Variants in ERBB4 observed in about 807,000 individuals in gnomAD.
ERBB4 encodes the protein erb-b2 receptor tyrosine kinase 4.
Under a neutral mutation model 158.0 loss-of-function variants are expected in ERBB4, and 42 were observed. The observed-to-expected ratio is 0.27, with a 90% confidence interval of 0.21 to 0.34. The LOEUF is 0.34. ERBB4 is among the 10% of genes least tolerant of loss of function. The pLI is 1.00. For synonymous variants in ERBB4, 583 were observed against 558.7 expected (o/e 1.04, Z -0.61); for missense variants, 1,333 against 1,624.1 (o/e 0.82, Z 3.08).
chr2:211,595,050 G>C (rs1049310077), intron 19 of ERBB4, among the ~76,000 whole-genome samples: 8 of 152,078 alleles, frequency 5.3e-5, no homozygotes, highest in Non-Finnish European at 1.0e-4. Context: ...CCTAGGAAGT[G>C]GTTTAAGTTA....
At chr2:212,065,525 T>C (rs1330032721) in intron 2 of ERBB4, among the ~76,000 whole-genome samples, 2 of 152,112 alleles carry the variant, frequency 1.3e-5, no homozygotes, top group African/African-American at 2.4e-5. Context: ...TCTAAGTTAA[T>C]ATCCAGATTA....
chr2:211,602,219 G>A (rs2068823177), intron 19 of ERBB4, among the ~76,000 whole-genome samples: 1 of 152,048 alleles, frequency 6.6e-6, no homozygotes, highest in South Asian at 2.1e-4. Flanking sequence ...TTAAAGTCTT[G>A]GCCTGATGAT....
chr2:211,960,417 G>T (rs2081150484), intron 2 of ERBB4, among the ~76,000 whole-genome samples: 1 of 152,002 alleles, frequency 6.6e-6, no homozygotes, highest in African/African-American at 2.4e-5. Context: ...TCTCATCTTT[G>T]GACAATAATA....
chr2:211,621,901 C>T (rs1574871632), intron 18 of ERBB4, among the ~76,000 whole-genome samples: 2 of 152,056 alleles, frequency 1.3e-5, no homozygotes, highest in Middle Eastern at 3.4e-3. Context: ...CTGACTTGTC[C>T]TATGGTTCAG....
intron 3 of ERBB4, among the ~76,000 whole-genome samples, chr2:211,839,558 A>C (rs997159854): frequency 1.7e-4 from 26 of 152,134 alleles, no homozygotes; most frequent in Non-Finnish European, 1.8e-4. Flanking sequence ...ATACCACAAG[A>C]AGATAGTCAT....
chr2:211,750,853 T>C (rs2075111293), intron 4 of ERBB4, 149 bp from the exon 5 acceptor site: 2 of 728,818 alleles, frequency 2.7e-6, no homozygotes, highest in East Asian at 2.7e-5. Flanking sequence ...AAATGCCCAC[T>C]TAAGTAGGAA....
In ERBB4 at chr2:211,376,467, A is replaced by C. The variant is rs2062475201; in HGVS notation, c.*7148T>G. On this transcript the variant is annotated 3_prime_UTR_variant, in exon 28 of 28. Transcript: ENST00000342788. ...TTTGTTTATTTCAAAAAGGCAGCTAACTTTGAATGCAGGGATTTAAATAAA... is the reference window on the plus strand; with the variant it reads ...TTTGTTTATTTCAAAAAGGCAGCTACCTTTGAATGCAGGGATTTAAATAAA... The C allele has an allele frequency of 1.3e-5, 3 of 232,848 alleles. No homozygotes were observed. Among genetic ancestry groups the C allele is most frequent in the Non-Finnish European group, 2.6e-5 (3 of 117,514 alleles). The allele number at this position is 232,848 out of a possible 1,614,324, so 14.4% of individuals were successfully genotyped here.
intron 1 of ERBB4, among the ~76,000 whole-genome samples, chr2:212,452,691 T>G (rs1189958076): frequency 2.0e-5 from 3 of 152,124 alleles, no homozygotes; most frequent in Non-Finnish European, 4.4e-5. Flanking sequence ...CATTTAAAAC[T>G]GCATCTTACA....
At chr2:212,022,806 T>C (rs1026679790) in intron 2 of ERBB4, among the ~76,000 whole-genome samples, 1 of 152,124 alleles carries the variant, frequency 6.6e-6, no homozygotes. Flanking sequence ...ATGAAATAAT[T>C]CATTTCTTCA....
At chr2:212,149,649 A>C (rs773471532) in intron 1 of ERBB4, among the ~76,000 whole-genome samples, 4 of 152,218 alleles carry the variant, frequency 2.6e-5, no homozygotes, top group Non-Finnish European at 4.4e-5. Flanking sequence ...GTACATATGC[A>C]TACATACAAC....
chr2:212,263,878 A>T (rs2085034835), intron 1 of ERBB4, among the ~76,000 whole-genome samples: 1 of 151,774 alleles, frequency 6.6e-6, no homozygotes, highest in Non-Finnish European at 1.5e-5. Context: ...AATAATAATA[A>T]TATTAAATAT....
intron 19 of ERBB4, among the ~76,000 whole-genome samples, chr2:211,615,264 C>T (rs2069342512): frequency 6.6e-6 from 1 of 151,618 alleles, no homozygotes; most frequent in Admixed American, 6.6e-5. Flanking sequence ...GATAGTGGTG[C>T]CCAATTTTAA....
At chr2:212,155,161 C>G (rs1388758373) in intron 1 of ERBB4, among the ~76,000 whole-genome samples, 1 of 152,036 alleles carries the variant, frequency 6.6e-6, no homozygotes, top group Non-Finnish European at 1.5e-5. Context: ...TTATTTAAAG[C>G]TTGTCTTAAG....
intron 25 of ERBB4, among the ~76,000 whole-genome samples, chr2:211,390,418 G>C (rs2062776974): frequency 6.6e-6 from 1 of 152,184 alleles, no homozygotes; most frequent in Non-Finnish European, 1.5e-5. Context: ...ATAATTACTA[G>C]TGCTCCTTTG....
intron 5 of ERBB4, among the ~76,000 whole-genome samples, chr2:211,734,620 T>TAAAAAAA (rs34036811): frequency 5.9e-5 from 6 of 102,338 alleles, no homozygotes; most frequent in Non-Finnish European, 5.6e-5. Flanking sequence ...GCTGTAGCAT[T>TAAAAAAA]AAAAAAAAAA....
chr2:212,000,585 C>A, intron 2 of ERBB4, among the ~76,000 whole-genome samples: 1 of 151,268 alleles, frequency 6.6e-6, no homozygotes, highest in African/African-American at 2.4e-5. Context: ...AATTAGGAGC[C>A]TATAAGAAAA....
intron 2 of ERBB4, among the ~76,000 whole-genome samples, chr2:212,053,982 G>A (rs959362785): frequency 1.3e-5 from 2 of 152,078 alleles, no homozygotes; most frequent in Non-Finnish European, 2.9e-5. Context: ...TAAATATGAT[G>A]GCAGCTGAGA....
chr2:212,167,134 C>T (rs1481268777), intron 1 of ERBB4, among the ~76,000 whole-genome samples: 1 of 152,074 alleles, frequency 6.6e-6, no homozygotes, highest in African/African-American at 2.4e-5. Context: ...GCAAAAGAAA[C>T]TATCATCAGA....
chr2:211,621,779 T>G lies in ERBB4; in HGVS notation c.2202+2143A>C, dbSNP rs571813764. On this transcript the variant is annotated intron_variant, in intron 18 of 27. Coordinates refer to ENST00000342788, the MANE Select transcript of ERBB4 (RefSeq NM_005235.3). Reference sequence around the variant, plus strand: ...TTTAAATTTTTCCATTTATCTCTTTTTTTCTCCCTATTTCTGTTCTTCATA... The same window carrying G: ...TTTAAATTTTTCCATTTATCTCTTTGTTTCTCCCTATTTCTGTTCTTCATA... Among the ~76,000 whole-genome samples, 3 of 152,334 alleles carry G rather than the reference T, an allele frequency of 2.0e-5. No homozygotes were observed. The East Asian group carries it at 5.8e-4, about 29-fold the overall frequency.
Sources: gnomAD v4.1 joint callset for allele counts (sites outside exome capture counted in the v4.1 genomes callset) on GRCh38, gnomAD v4.1.1 for gene constraint, MANE v1.5 for transcripts, NCBI Gene and HGNC (gene_info 2026-07-23, HGNC 2026-07-21) for gene names.